NSMCE1: variants seen among roughly 807,000 people sequenced by gnomAD.
NSMCE1 encodes the protein NSE1 component of SMC5/6 complex.
In NSMCE1, 18 loss-of-function variants were observed where a neutral mutation model predicts 29.6. That is an observed-to-expected ratio of 0.61 (90% CI 0.42 to 0.90). NSMCE1 has a LOEUF of 0.90. NSMCE1 is among the 40% of genes least tolerant of loss of function. The pLI, the probability that NSMCE1 is intolerant of heterozygous loss-of-function variation, is 0.00. For synonymous variants in NSMCE1, 124 were observed against 133.4 expected (o/e 0.93, Z 0.49); for missense variants, 314 against 343.6 (o/e 0.91, Z 0.68).
At chr16:27,265,037 A>C (rs958490354) in intron 1 of NSMCE1, among the ~76,000 whole-genome samples, 3 of 152,212 alleles carry the variant, frequency 2.0e-5, no homozygotes, top group African/African-American at 7.2e-5. Context: ...CAATGTTATC[A>C]GACAAATGAT....
At chr16:27,256,014 C>G (rs1221823811) in intron 2 of NSMCE1, among the ~76,000 whole-genome samples, 1 of 152,200 alleles carries the variant, frequency 6.6e-6, no homozygotes, top group African/African-American at 2.4e-5. Context: ...CGCCCTTTCA[C>G]AGCTCACTGC....
chr16:27,226,556 C>A, intron 6 of NSMCE1, 164 bp downstream of exon 6: 1 of 578,646 alleles, frequency 1.7e-6, no homozygotes, highest in Non-Finnish European at 3.1e-6. Context: ...AGCAGGGAGG[C>A]GTCCTGACAC....
chr16:27,228,193 C>G (rs7201783), intron 5 of NSMCE1, among the ~76,000 whole-genome samples: 43,879 of 152,034 alleles, frequency 0.29, 7,393 homozygotes, highest in African/African-American at 0.44. Context: ...TGCGTTCGCT[C>G]TGGAACACCA....
At chr16:27,231,498 G>A (rs1187180839) in intron 5 of NSMCE1, among the ~76,000 whole-genome samples, 3 of 152,158 alleles carry the variant, frequency 2.0e-5, no homozygotes, top group African/African-American at 4.8e-5. Context: ...TTAGCCGGGT[G>A]TGATGGCGCA....
intron 2 of NSMCE1, among the ~76,000 whole-genome samples, chr16:27,246,661 T>G (rs1266017995): frequency 6.6e-6 from 1 of 152,162 alleles, no homozygotes; most frequent in African/African-American, 2.4e-5. Context: ...GACTAATTTT[T>G]TTATTTTATG....
intron 2 of NSMCE1, among the ~76,000 whole-genome samples, chr16:27,250,113 C>T (rs1330842343): frequency 6.6e-5 from 10 of 152,180 alleles, no homozygotes; most frequent in African/African-American, 2.4e-4. Flanking sequence ...GATTTTGTAT[C>T]CTACAACTTT....
At chr16:27,241,851 G>T (rs1383061546) in intron 2 of NSMCE1, 2 of 455,456 alleles carry the variant, frequency 4.4e-6, no homozygotes, top group South Asian at 3.1e-5. Flanking sequence ...AAGGATCGCT[G>T]CTTCTCTTTC....
intron 5 of NSMCE1, among the ~76,000 whole-genome samples, chr16:27,230,247 C>T (rs2083748722): frequency 6.6e-6 from 1 of 152,230 alleles, no homozygotes; most frequent in African/African-American, 2.4e-5. Context: ...ACAGGACTGG[C>T]TGTCCAGGAG....
At chr16:27,225,581 G>T in intron 7 of NSMCE1, 145 bp downstream of exon 7, 1 of 934,338 alleles carries the variant, frequency 1.1e-6, no homozygotes. Flanking sequence ...TTCCTGCAGT[G>T]GCTTCTTCTA....
chr16:27,237,440 T>C (rs963387874), intron 2 of NSMCE1, among the ~76,000 whole-genome samples: 13 of 152,256 alleles, frequency 8.5e-5, no homozygotes, highest in South Asian at 2.1e-4. Flanking sequence ...AGGCAGCTCT[T>C]TGCTGGCGTG....
intron 1 of NSMCE1, among the ~76,000 whole-genome samples, chr16:27,266,135 G>A (rs2084222031): frequency 6.6e-6 from 1 of 152,164 alleles, no homozygotes; most frequent in South Asian, 2.1e-4. Flanking sequence ...TACTTTGGGA[G>A]GTCAAGGCGG....
rs1351434810 is a variant in NSMCE1, at chr16:27,232,687, C to T, written c.483+314G>A. On this transcript the variant is annotated intron_variant, in intron 5 of 7. Coordinates refer to ENST00000361439, the MANE Select transcript of NSMCE1 (RefSeq NM_145080.4). This position sits in a 1 kb window ranked among gnomAD's most constrained non-coding sequence, Gnocchi z 4.5. ...GATGTTAGAGCCACACTCTCAGCCA[C>T]GGAACTGCCCTGCCTTGCAGTCTGT... Among the ~76,000 whole-genome samples, 1 of 152,258 alleles carries T rather than the reference C, an allele frequency of 6.6e-6. No individual in the cohort carries two copies. The highest frequency in any genetic ancestry group is 1.5e-5 in the Non-Finnish European group (1 of 68,044).
At chr16:27,256,810 G>A (rs1336402344) in intron 2 of NSMCE1, among the ~76,000 whole-genome samples, 3 of 152,172 alleles carry the variant, frequency 2.0e-5, no homozygotes, top group African/African-American at 7.2e-5. Context: ...CTTCAGGTCC[G>A]GCCCAGTCTA....
At chr16:27,226,596 G>A in intron 6 of NSMCE1, 124 bp downstream of exon 6, 1 of 648,954 alleles carries the variant, frequency 1.5e-6, no homozygotes, top group South Asian at 1.8e-5. Flanking sequence ...GCCAGCTCTT[G>A]TGGGAGGATG....
chr16:27,260,439 C>T (rs1229093580), intron 1 of NSMCE1, among the ~76,000 whole-genome samples: 1 of 151,142 alleles, frequency 6.6e-6, no homozygotes, highest in East Asian at 1.9e-4. Context: ...GAAAGGAAAA[C>T]CAGGATAGGA....
Position 27,233,108 on chromosome 16 carries a change from A to G in NSMCE1, c.376T>C (p.Ser126Pro). The G allele has an allele frequency of 1.2e-6, 2 of 1,614,076 alleles. No homozygotes were observed. The highest frequency in any genetic ancestry group is 1.7e-6 in the Non-Finnish European group (2 of 1,179,982). The change falls in exon 5 of 8, where the codon TCC becomes CCC. Residue 126 changes from serine (S) to proline (P), a missense_variant. Physicochemically the swap from Ser to Pro is moderately conservative, Grantham distance 74. Coordinates refer to ENST00000361439, the MANE Select transcript of NSMCE1 (RefSeq NM_145080.4). Reference sequence around the variant, plus strand: ...TCAACCAGGTTCAATATGTTTGTGGAAGACGCAAAGCCGGTTTCTGAGTCA... The same window carrying G: ...TCAACCAGGTTCAATATGTTTGTGGGAGACGCAAAGCCGGTTTCTGAGTCA... ...IIDSETGFASSTNILNLVDQL... is the reference protein window; with the variant it reads ...IIDSETGFASPTNILNLVDQL...
chr16:27,252,980 G>A (rs2084050729), intron 2 of NSMCE1, among the ~76,000 whole-genome samples: 1 of 152,078 alleles, frequency 6.6e-6, no homozygotes, highest in Non-Finnish European at 1.5e-5. Context: ...AGAGCTTCGG[G>A]TTATTAAACA....
At position 27,225,202 on chromosome 16, in the gene NSMCE1, A is replaced by G. The variant is rs773760670; in HGVS notation, c.756T>C (p.Gly252=). ...GGGACTTTTTGTTCGATTTCAAGACACCAGACTCCCTCTCCTTCTCAGGGT... is the reference window on the plus strand; with the variant it reads ...GGGACTTTTTGTTCGATTTCAAGACGCCAGACTCCCTCTCCTTCTCAGGGT... The part of the protein sequence containing the change: ...VFDPEKERES[G]VLKSNKKSLR... Residue 252 remains glycine (G), a synonymous_variant, in exon 8 of 8, where the codon GGT becomes GGC. Coordinates refer to ENST00000361439, the MANE Select transcript of NSMCE1 (RefSeq NM_145080.4). 10 of 1,607,712 alleles carry G rather than the reference A, an allele frequency of 6.2e-6. No homozygotes were observed. Among genetic ancestry groups the G allele is most frequent in the African/African-American group, 1.3e-5 (1 of 74,814 alleles).
intron 2 of NSMCE1, among the ~76,000 whole-genome samples, chr16:27,239,221 C>T (rs1435314265): frequency 6.6e-6 from 1 of 152,150 alleles, no homozygotes; most frequent in Non-Finnish European, 1.5e-5. Context: ...TGCTTGCTCC[C>T]AAGATCCTTA....
Sources: allele counts gnomAD v4.1 joint callset (sites outside exome capture counted in the v4.1 genomes callset), GRCh38; gene constraint gnomAD v4.1.1; non-coding constraint Gnocchi (gnomAD v3.1); transcripts MANE v1.5; gene names NCBI Gene and HGNC (gene_info 2026-07-23, HGNC 2026-07-21).